The following MAP3K4 variants were observed in gnomAD, a reference collection of about 807,000 sequenced individuals.
MAP3K4 encodes the protein MAP three kinase 1.
MAP3K4 carries 67 observed loss-of-function variants against 185.6 expected under a neutral mutation model. The observed-to-expected ratio is 0.36, with a 90% CI of 0.30 to 0.44. The LOEUF (loss-of-function observed/expected upper bound fraction) is 0.44. Ranked by LOEUF, MAP3K4 falls within the 20% of genes least tolerant of loss-of-function variation. The probability of loss-of-function intolerance (pLI) is 1.00; values close to 1 mark genes in which losing one functional copy is unlikely to be tolerated. For synonymous variants in MAP3K4, 702 were observed against 710.4 expected (o/e 0.99, Z 0.19); for missense variants, 1,551 against 1,995.1 (o/e 0.78, Z 4.24).
In MAP3K4 at chr6:161,086,620, C is replaced by T; in HGVS notation, c.2509C>T (p.Pro837Ser). The T allele has an allele frequency of 6.2e-7, 1 of 1,614,034 alleles. No individual in the cohort carries two copies. The highest frequency in any genetic ancestry group is 8.5e-7 in the Non-Finnish European group (1 of 1,180,000). ...AGCAGCAGAATTCAGGCTTTCAGCC[C>T]CAGTTAGAGACCTCCTGGATGTTCT... is the stretch of plus-strand genomic sequence containing the variant. Reference protein sequence around the residue: ...EIAAEFRLSAPVRDLLDVLKS... With the variant: ...EIAAEFRLSASVRDLLDVLKS... The change falls in exon 9 of 27, where the codon CCA (proline) becomes TCA (serine). Residue 837 changes from proline (P) to serine (S), a missense_variant. By Grantham distance (74) the Pro-to-Ser change is moderately conservative. Coordinates refer to ENST00000392142, the MANE Select transcript of MAP3K4 (RefSeq NM_005922.4). This position sits in a 1 kb window ranked among gnomAD's most constrained non-coding sequence, Gnocchi z 4.8.
rs570765183 is a variant in MAP3K4, at chr6:161,008,605, A to G, written c.152+16522A>G. Among the ~76,000 whole-genome samples, 2 of 152,324 alleles carry G rather than the reference A, an allele frequency of 1.3e-5. No homozygotes were observed. The highest frequency in any genetic ancestry group is 4.1e-4 in the South Asian group (2 of 4,828). ...TTTTGTATGATATTTATTGTTGTAT[A>G]ATTTAACAAAGACATACTTGTGTAT... On this transcript the variant is annotated intron_variant, in intron 1 of 26. Coordinates refer to ENST00000392142, the MANE Select transcript of MAP3K4 (RefSeq NM_005922.4). The surrounding 1 kb of genome is among the most constrained non-coding windows in gnomAD (Gnocchi z 4.1).
In MAP3K4 at chr6:161,091,545, G is replaced by C; in HGVS notation, c.3135+5G>C. The C allele has an allele frequency of 6.2e-7, 1 of 1,608,056 alleles. No individual in the cohort carries two copies. Among genetic ancestry groups the C allele is most frequent in the South Asian group, 1.1e-5 (1 of 90,194 alleles). Reference sequence around the variant, plus strand: ...GGGTACAATTTTGGATTTGAGGTAGGTTCAAAATAAGAGGAAACACGGTAC... The same window carrying C: ...GGGTACAATTTTGGATTTGAGGTAGCTTCAAAATAAGAGGAAACACGGTAC... On this transcript the variant is annotated splice_donor_5th_base_variant and intron_variant, in intron 12 of 26. Coordinates refer to ENST00000392142, the MANE Select transcript of MAP3K4 (RefSeq NM_005922.4). The surrounding 1 kb of genome is among the most constrained non-coding windows in gnomAD (Gnocchi z 5.5).
At position 160,991,935 on chromosome 6, in the gene MAP3K4, A is replaced by T. The variant is rs1472838458; in HGVS notation, c.4A>T (p.Arg2Ter). Reference sequence around the variant, plus strand: ...CCATGCGGGGCTCCGTGCACGGATGAGAGAAGCCGCTGCCGCGCTGGTCCC... The same window carrying T: ...CCATGCGGGGCTCCGTGCACGGATGTGAGAAGCCGCTGCCGCGCTGGTCCC... M[R>*]EAAAALVPPP... is the part of the protein sequence containing the mutation. The change falls in exon 1 of 27, where the codon AGA becomes TGA. Residue 2 changes from arginine (R) to a stop codon, truncating the protein, a stop_gained. Coordinates refer to ENST00000392142, the MANE Select transcript of MAP3K4 (RefSeq NM_005922.4). LOFTEE classifies it high-confidence loss of function. This position sits in a 1 kb window ranked among gnomAD's most constrained non-coding sequence, Gnocchi z 5.7. 2 of 1,538,130 alleles carry T rather than the reference A, an allele frequency of 1.3e-6. No homozygotes were observed. Among genetic ancestry groups the T allele is most frequent in the Non-Finnish European group, 1.7e-6 (2 of 1,150,420 alleles).
rs1048004644 is a variant in MAP3K4 at position 161,098,620 on chromosome 6, C to T, written c.3674+193C>T. Among the ~76,000 whole-genome samples the T allele has an allele frequency of 6.6e-6, 1 of 152,196 alleles. No homozygotes were observed. Among genetic ancestry groups the T allele is most frequent in the Non-Finnish European group, 1.5e-5 (1 of 68,042 alleles). ...CTGACCAACACGAATGGATAACTGT[C>T]TGATGTCAGTATTTCTTTGGAGCTG... On this transcript the variant is annotated intron_variant, in intron 17 of 26. Coordinates refer to ENST00000392142, the MANE Select transcript of MAP3K4 (RefSeq NM_005922.4). This position sits in a 1 kb window ranked among gnomAD's most constrained non-coding sequence, Gnocchi z 4.4.
chr6:161,021,096 C>T (rs1782364685), intron 1 of MAP3K4, among the ~76,000 whole-genome samples: 1 of 152,176 alleles, frequency 6.6e-6, no homozygotes, highest in African/African-American at 2.4e-5. Flanking sequence ...TTTCATGAGA[C>T]AAACCTGTGT....
rs1463188588 is a variant in MAP3K4 at position 161,091,473 on chromosome 6, C to A, written c.3068C>A (p.Ser1023Tyr). The change falls in exon 12 of 27, where the codon TCT becomes TAT. Residue 1023 changes from serine (S) to tyrosine (Y), a missense_variant. This residue lies in a region of MAP3K4 where 261 missense variants were observed against 306.5 expected (regional missense o/e 0.85). Transcript: ENST00000392142. This position sits in a 1 kb window ranked among gnomAD's most constrained non-coding sequence, Gnocchi z 5.5. ...GAATTTGATGCTGAGGTTGATGAAT[C>A]TGAATCTGTCACCTTGCAACAGTAC... is the stretch of plus-strand genomic sequence containing the variant. ...TSEFDAEVDE[S>Y]ESVTLQQYYR... 1.4e-5 allele frequency: 23 copies of A among 1,613,936 alleles called. No homozygotes were observed. The Admixed American group carries it at 3.8e-4, about 27-fold the overall frequency.
rs7738423 is a variant in MAP3K4 at position 161,008,613 on chromosome 6, A to G, written c.152+16530A>G. Among the ~76,000 whole-genome samples the G allele has an allele frequency of 0.069, 10,452 of 152,254 alleles. 415 individuals are homozygous for G. Among genetic ancestry groups the G allele is most frequent in the African/African-American group, 0.12 (4,881 of 41,526 alleles). On this transcript the variant is annotated intron_variant, in intron 1 of 26. Transcript: ENST00000392142. This position sits in a 1 kb window ranked among gnomAD's most constrained non-coding sequence, Gnocchi z 4.1. ...GATATTTATTGTTGTATAATTTAAC[A>G]AAGACATACTTGTGTATATTACATG...
At chr6:161,019,064 G>T (rs954213169) in intron 1 of MAP3K4, among the ~76,000 whole-genome samples, 2 of 152,176 alleles carry the variant, frequency 1.3e-5, no homozygotes, top group African/African-American at 4.8e-5. Context: ...AGTGTCAGGC[G>T]GTTAGCGTGT....
intron 17 of MAP3K4, among the ~76,000 whole-genome samples, chr6:161,099,735 G>A (rs1451740601): frequency 6.6e-6 from 1 of 152,190 alleles, no homozygotes. Flanking sequence ...CTCCCGAACT[G>A]GACAATAGGG....
At position 161,064,784 on chromosome 6, in the gene MAP3K4, A is replaced by G. The variant is rs529309652; in HGVS notation, c.1708-5824A>G. 1.3e-5 allele frequency among the ~76,000 whole-genome samples: 2 copies of G among 152,324 alleles called. No individual in the cohort carries two copies. The highest frequency in any genetic ancestry group is 6.5e-5 in the Admixed American group (1 of 15,290). On this transcript the variant is annotated intron_variant, in intron 3 of 26. Coordinates refer to ENST00000392142, the MANE Select transcript of MAP3K4 (RefSeq NM_005922.4). The surrounding 1 kb of genome is among the most constrained non-coding windows in gnomAD (Gnocchi z 4.3). ...TTTCAATGATTAGAAGAGACACAAGATGGAAATAAAGATTTTATTACTTGC... is the reference window on the plus strand; with the variant it reads ...TTTCAATGATTAGAAGAGACACAAGGTGGAAATAAAGATTTTATTACTTGC...
chr6:161,112,462 A>T lies in MAP3K4; in HGVS notation c.4520-206A>T, dbSNP rs1366407266. 2.0e-5 allele frequency among the ~76,000 whole-genome samples: 3 copies of T among 152,246 alleles called. No homozygotes were observed. Among genetic ancestry groups the T allele is most frequent in the African/African-American group, 7.2e-5 (3 of 41,464 alleles). ...ATACAATTAATTTGAAAATGTGTAC[A>T]TTCAAAAATAGTCTTTTAAAAGAGA... On this transcript the variant is annotated intron_variant, in intron 24 of 26. Coordinates refer to ENST00000392142, the MANE Select transcript of MAP3K4 (RefSeq NM_005922.4). The surrounding 1 kb of genome is among the most constrained non-coding windows in gnomAD (Gnocchi z 5.1).
chr6:161,087,605 CT>C lies in MAP3K4; in HGVS notation c.2557-82del, dbSNP rs1330170576. 1 of 1,452,510 alleles carries C rather than the reference CT, an allele frequency of 6.9e-7. No homozygotes were observed. The highest frequency in any genetic ancestry group is 2.3e-5 in the East Asian group (1 of 44,128). 90.0% of individuals were successfully genotyped at this position (1,452,510 alleles called of 1,614,324 possible). ...CCCACTTTCCCTTTCCCAAACCTGC[CT>C]CTCCTTTCCTAGGTTTGTTTTAAAT... On this transcript the variant is annotated intron_variant, in intron 9 of 26. Transcript: ENST00000392142. This position sits in a 1 kb window ranked among gnomAD's most constrained non-coding sequence, Gnocchi z 4.9.
Position 161,115,387 on chromosome 6 carries a change from T to A in MAP3K4, c.4806+85T>A. 6.0e-6 allele frequency: 8 copies of A among 1,336,550 alleles called. No individual in the cohort carries two copies. Among genetic ancestry groups the A allele is most frequent in the Non-Finnish European group, 7.2e-6 (7 of 975,904 alleles). 82.8% of individuals were successfully genotyped at this position (1,336,550 alleles called of 1,614,324 possible). A position where few individuals can be genotyped will look rare whatever the true frequency, so the allele number is the denominator to read the frequency against. Reference sequence around the variant, plus strand: ...CAAGACGTTAATGAAATTTTGAAACTTTAAAGTAGCTATATCTGAAGTGGA... The same window carrying A: ...CAAGACGTTAATGAAATTTTGAAACATTAAAGTAGCTATATCTGAAGTGGA... On this transcript the variant is annotated intron_variant, in intron 26 of 26. Coordinates refer to ENST00000392142, the MANE Select transcript of MAP3K4 (RefSeq NM_005922.4). This position sits in a 1 kb window ranked among gnomAD's most constrained non-coding sequence, Gnocchi z 6.0.
chr6:161,089,643 T>G (rs1785926711), intron 11 of MAP3K4, among the ~76,000 whole-genome samples, 172 bp downstream of exon 11: 1 of 152,220 alleles, frequency 6.6e-6, no homozygotes, highest in African/African-American at 2.4e-5. Context: ...TATTCTGAGA[T>G]TCTTCCTGAA....
Position 161,007,795 on chromosome 6 carries a change from T to TA in MAP3K4, c.152+15716dup, listed in dbSNP as rs1410802850. 6.6e-6 allele frequency among the ~76,000 whole-genome samples: 1 copy of TA among 152,202 alleles called. No homozygotes were observed. Among genetic ancestry groups the TA allele is most frequent in the African/African-American group, 2.4e-5 (1 of 41,458 alleles). ...TTAGAGAGTAATGTTTCATCAAACATAAAAGGCTGTCAATTGTAATATGCA... is the reference window on the plus strand; with the variant it reads ...TTAGAGAGTAATGTTTCATCAAACATAAAAAGGCTGTCAATTGTAATATGCA... On this transcript the variant is annotated intron_variant, in intron 1 of 26. Transcript: ENST00000392142. This position sits in a 1 kb window ranked among gnomAD's most constrained non-coding sequence, Gnocchi z 4.5.
At chr6:161,090,901 A>T (rs1480952567) in intron 11 of MAP3K4, among the ~76,000 whole-genome samples, 2 of 152,232 alleles carry the variant, frequency 1.3e-5, no homozygotes, top group East Asian at 3.8e-4. Context: ...GACCATCAAA[A>T]ACTTCTCTGG....
In MAP3K4 at chr6:161,051,920, A is replaced by T. The variant is rs1378934709; in HGVS notation, c.1707+1941A>T. On this transcript the variant is annotated intron_variant, in intron 3 of 26. Coordinates refer to ENST00000392142, the MANE Select transcript of MAP3K4 (RefSeq NM_005922.4). This position sits in a 1 kb window ranked among gnomAD's most constrained non-coding sequence, Gnocchi z 4.2. ...CAGGCTGGACTCAAACTCGTGGGCT[A>T]AAACAGTCCTCCTGCCTTAGCCTCC... 6.6e-6 allele frequency among the ~76,000 whole-genome samples: 1 copy of T among 152,188 alleles called. No homozygotes were observed. Among genetic ancestry groups the T allele is most frequent in the East Asian group, 1.9e-4 (1 of 5,200 alleles).
rs551959167 is a variant in MAP3K4, at chr6:161,093,983, A to G, written c.3427+132A>G. 134 of 647,864 alleles carry G rather than the reference A, an allele frequency of 2.1e-4. 1 individual carries two copies. In the African/African-American group the frequency reaches 2.3e-3, roughly 11 times the overall value. The allele number at this position is 647,864 out of a possible 1,614,324, so 40.1% of individuals were successfully genotyped here. A position where few individuals can be genotyped will look rare whatever the true frequency, so the allele number is the denominator to read the frequency against. ...ATTCAGGAAAACGACAATGAGAGGGACAGAAATGAGGTGTGTAGATAGAGA... is the reference window on the plus strand; with the variant it reads ...ATTCAGGAAAACGACAATGAGAGGGGCAGAAATGAGGTGTGTAGATAGAGA... On this transcript the variant is annotated intron_variant, in intron 15 of 26. Coordinates refer to ENST00000392142, the MANE Select transcript of MAP3K4 (RefSeq NM_005922.4). This position sits in a 1 kb window ranked among gnomAD's most constrained non-coding sequence, Gnocchi z 5.2.
rs79043025 is a variant in MAP3K4, at chr6:161,083,603, A to G, written c.2256-898A>G. ...AGCCTAAATACCCACTACTCTTCAG[A>G]TTGGATGATTTTCTTTTTTCATGAA... On this transcript the variant is annotated intron_variant, in intron 6 of 26. Transcript: ENST00000392142. 3.0e-3 allele frequency among the ~76,000 whole-genome samples: 453 copies of G among 152,280 alleles called. 8 individuals carry two copies. Among genetic ancestry groups the G allele is most frequent in the East Asian group, 0.027 (139 of 5,182 alleles).
Sources: gnomAD v4.1 joint callset for allele counts (sites outside exome capture counted in the v4.1 genomes callset) on GRCh38, gnomAD v4.1.1 for gene constraint, gnomAD v4.1.1 regional missense constraint, Gnocchi (gnomAD v3.1) non-coding constraint, MANE v1.5 for transcripts, NCBI Gene and HGNC (gene_info 2026-07-23, HGNC 2026-07-21) for gene names.